The following ITPKB variants were observed in gnomAD, a reference collection of about 807,000 sequenced individuals.
ITPKB encodes inositol-trisphosphate 3-kinase B, also known as IP3 3-kinase B.
ITPKB carries 13 observed loss-of-function variants against 69.4 expected under a neutral mutation model. The ratio of observed to expected loss-of-function variants is 0.19; its 90% CI spans 0.12 to 0.30. ITPKB has a LOEUF of 0.30. ITPKB is among the 10% of genes least tolerant of loss of function. The pLI is 1.00. For missense variants in ITPKB, 1,240 were observed against 1,250.5 expected (o/e 0.99, Z 0.13); for synonymous variants, 584 against 513.7 (o/e 1.14, Z -1.85).
intron 2 of ITPKB, among the ~76,000 whole-genome samples, chr1:226,651,083 G>T (rs1213492816): frequency 2.0e-5 from 3 of 152,214 alleles, no homozygotes; most frequent in Non-Finnish European, 4.4e-5. Flanking sequence ...GAGAAGGAGG[G>T]AGCTTACGGA....
chr1:226,650,531 T>C (rs1321672443), intron 2 of ITPKB, among the ~76,000 whole-genome samples: 1 of 152,216 alleles, frequency 6.6e-6, no homozygotes, highest in Non-Finnish European at 1.5e-5. Context: ...ACACAATGCA[T>C]GAGGGCAACA....
intron 2 of ITPKB, among the ~76,000 whole-genome samples, chr1:226,666,306 A>G (rs774287471): frequency 4.6e-5 from 7 of 152,300 alleles, no homozygotes; most frequent in Admixed American, 4.6e-4. Flanking sequence ...GCCAGCTCCC[A>G]TCAAGCCAGA....
chr1:226,699,654 T>A (rs1280741326), intron 2 of ITPKB, among the ~76,000 whole-genome samples: 1 of 152,244 alleles, frequency 6.6e-6, no homozygotes, highest in Non-Finnish European at 1.5e-5. Flanking sequence ...TCATCTTTAC[T>A]GTCAGCTTTT....
intron 2 of ITPKB, among the ~76,000 whole-genome samples, chr1:226,711,096 A>G (rs2102636916): frequency 6.6e-6 from 1 of 152,354 alleles, no homozygotes; most frequent in South Asian, 2.1e-4. Flanking sequence ...TTATTAAGAA[A>G]GAATGAAAAC....
At chr1:226,657,987 A>G (rs1669328799) in intron 2 of ITPKB, among the ~76,000 whole-genome samples, 2 of 152,204 alleles carry the variant, frequency 1.3e-5, no homozygotes, top group African/African-American at 4.8e-5. Context: ...GTCCTTACTG[A>G]CACACGCTCG....
rs1009661399 is a variant in ITPKB at position 226,642,959 on chromosome 1, G to A, written c.2247-834C>T. ...GGTCCCAGTGTGGATGGAGAAGGCC[G>A]TATTGTGGGGGAAAGGCAGGGGGCT... On this transcript the variant is annotated intron_variant, in intron 4 of 7. Transcript: ENST00000429204. This position sits in a 1 kb window ranked among gnomAD's most constrained non-coding sequence, Gnocchi z 6.4. 1.3e-5 allele frequency among the ~76,000 whole-genome samples: 2 copies of A among 152,172 alleles called. No individual in the cohort carries two copies. The highest frequency in any genetic ancestry group is 4.8e-5 in the African/African-American group (2 of 41,426).
At chr1:226,640,342 G>A (rs929194124) in intron 5 of ITPKB, among the ~76,000 whole-genome samples, 1 of 152,318 alleles carries the variant, frequency 6.6e-6, no homozygotes, top group African/African-American at 2.4e-5. Flanking sequence ...GCTCCACCAG[G>A]AGTCCCAACA....
chr1:226,718,480 A>G (rs1034571485), intron 2 of ITPKB, among the ~76,000 whole-genome samples: 1 of 152,098 alleles, frequency 6.6e-6, no homozygotes, highest in African/African-American at 2.4e-5. Flanking sequence ...CTGTTGTCCT[A>G]TAAATCGCTA....
At position 226,640,028 on chromosome 1, in the gene ITPKB, T is replaced by C. The variant is rs115869337; in HGVS notation, c.2452-370A>G. ...GAGGGTCGGCCTCGACTTCCCACTC[T>C]GGGGCCCGGGCCCTGGAACCGGTGC... On this transcript the variant is annotated intron_variant, in intron 5 of 7. Coordinates refer to ENST00000429204, the MANE Select transcript of ITPKB (RefSeq NM_002221.4). Among the ~76,000 whole-genome samples the C allele has an allele frequency of 9.1e-3, 1,390 of 152,208 alleles. 25 individuals carry two copies. The highest frequency in any genetic ancestry group is 0.032 in the African/African-American group (1,324 of 41,534).
chr1:226,711,009 C>A (rs1045960785), intron 2 of ITPKB, among the ~76,000 whole-genome samples: 2 of 152,178 alleles, frequency 1.3e-5, no homozygotes, highest in Admixed American at 6.5e-5. Flanking sequence ...TCTGAGCATG[C>A]GGCCTGTGCA....
chr1:226,708,488 A>T (rs1656865119), intron 2 of ITPKB, among the ~76,000 whole-genome samples: 1 of 152,232 alleles, frequency 6.6e-6, no homozygotes, highest in South Asian at 2.1e-4. Context: ...CATTCTGGTC[A>T]ATGAGACACA....
At chr1:226,710,099 T>C (rs1203910091) in intron 2 of ITPKB, among the ~76,000 whole-genome samples, 1 of 152,146 alleles carries the variant, frequency 6.6e-6, no homozygotes, top group Non-Finnish European at 1.5e-5. Context: ...TCCTCTCCCC[T>C]GACTCACGGC....
rs1263641572 is a variant in ITPKB at position 226,707,677 on chromosome 1, C to T, written c.1932+27850G>A. 7.8e-6 allele frequency: 8 copies of T among 1,024,794 alleles called. 1 individual carries two copies. The highest frequency in any genetic ancestry group is 8.1e-4 in the Middle Eastern group (2 of 2,458). 63.5% of individuals were successfully genotyped at this position (1,024,794 alleles called of 1,614,324 possible). On this transcript the variant is annotated intron_variant, in intron 2 of 7. Coordinates refer to ENST00000429204, the MANE Select transcript of ITPKB (RefSeq NM_002221.4). Reference sequence around the variant, plus strand: ...TCATCACAAGGAAACATGTAGAGTCCCTCTTGAAAACTAAAGAATTACAAA... The same window carrying T: ...TCATCACAAGGAAACATGTAGAGTCTCTCTTGAAAACTAAAGAATTACAAA...
chr1:226,706,975 A>G (rs1229636491), intron 2 of ITPKB, among the ~76,000 whole-genome samples: 1 of 152,190 alleles, frequency 6.6e-6, no homozygotes. Context: ...CAAAAAGTCC[A>G]GTCCACAGAA....
chr1:226,701,116 T>G (rs1656626513), intron 2 of ITPKB, among the ~76,000 whole-genome samples: 1 of 152,212 alleles, frequency 6.6e-6, no homozygotes. Flanking sequence ...GCACTTCAAA[T>G]GCTTTTGGCA....
chr1:226,701,380 G>T (rs550491556), intron 2 of ITPKB, among the ~76,000 whole-genome samples: 2 of 151,926 alleles, frequency 1.3e-5, no homozygotes, highest in African/African-American at 2.4e-5. Flanking sequence ...CGAGGCAGGC[G>T]GATCACGAGG....
At chr1:226,697,328 C>T (rs1352058326) in intron 2 of ITPKB, among the ~76,000 whole-genome samples, 1 of 152,248 alleles carries the variant, frequency 6.6e-6, no homozygotes, top group Non-Finnish European at 1.5e-5. Flanking sequence ...AAACTTTAGA[C>T]TCTTTCCCCT....
At chr1:226,689,572 TGTGTG>T (rs1656298685) in intron 2 of ITPKB, among the ~76,000 whole-genome samples, 3 of 36,558 alleles carry the variant, frequency 8.2e-5, no homozygotes, top group South Asian at 1.2e-3. Flanking sequence ...GTTTTATTTG[TGTGTG>T]TGTGTGTGTG....
Position 226,642,038 on chromosome 1 carries a change from G to C in ITPKB, c.2334C>G (p.Pro778=). Residue 778 remains proline, a synonymous_variant, in exon 5 of 8, where the codon CCC becomes CCG. Coordinates refer to ENST00000429204, the MANE Select transcript of ITPKB (RefSeq NM_002221.4). The surrounding 1 kb of genome is among the most constrained non-coding windows in gnomAD (Gnocchi z 6.4). ...DMYQKMIEVD[P]EAPTEEEKAQ... ...CTTTTTCCTCCTCGGTGGGGGCCTC[G>C]GGGTCCACCTCGATCATCTTCTGGT... 1 of 1,614,050 alleles carries C rather than the reference G, an allele frequency of 6.2e-7. No individual in the cohort carries two copies. Among genetic ancestry groups the C allele is most frequent in the Non-Finnish European group, 8.5e-7 (1 of 1,180,000 alleles).
Sources: allele counts gnomAD v4.1 joint callset (sites outside exome capture counted in the v4.1 genomes callset), GRCh38; gene constraint gnomAD v4.1.1; non-coding constraint Gnocchi (gnomAD v3.1); transcripts MANE v1.5; gene names NCBI Gene and HGNC (gene_info 2026-07-23, HGNC 2026-07-21).